FARP2: variants seen among roughly 807,000 people sequenced by gnomAD.
FARP2 encodes FERM, ARH/RhoGEF and pleckstrin domain protein 2, also known as FERM, ARHGEF and pleckstrin domain-containing protein 2.
In FARP2, 111 loss-of-function variants were observed where a neutral mutation model predicts 130.5. The observed-to-expected ratio is 0.85, with a 90% confidence interval of 0.73 to 1.00. The LOEUF (loss-of-function observed/expected upper bound fraction) is 1.00, where lower values mean the gene tolerates loss of function less well. FARP2 is among the 50% of genes least tolerant of loss of function. FARP2 has a pLI of 0.00. For missense variants in FARP2, 1,385 were observed against 1,346.3 expected (o/e 1.03, Z -0.45); for synonymous variants, 504 against 516.9 (o/e 0.98, Z 0.34).
chr2:241,427,957 G>A (rs992592687), intron 8 of FARP2, among the ~76,000 whole-genome samples: 72 of 152,000 alleles, frequency 4.7e-4, no homozygotes, highest in Admixed American at 2.3e-3. Context: ...TAGTAGAGGC[G>A]GGGTTTCACT....
rs982338095 is a variant in FARP2 at position 241,475,409 on chromosome 2, C to T, written c.2132-448C>T. Reference sequence around the variant, plus strand: ...ATAGCCTGTTAGGAACCAGGCCACACGGCAGGAGGTGAGTGGCGGGCAAGT... The same window carrying T: ...ATAGCCTGTTAGGAACCAGGCCACATGGCAGGAGGTGAGTGGCGGGCAAGT... On this transcript the variant is annotated intron_variant, in intron 18 of 26. Coordinates refer to ENST00000264042, the MANE Select transcript of FARP2 (RefSeq NM_014808.4). This position sits in a 1 kb window ranked among gnomAD's most constrained non-coding sequence, Gnocchi z 4.4. Among the ~76,000 whole-genome samples the T allele has an allele frequency of 2.4e-4, 37 of 152,280 alleles. No homozygotes were observed. Among genetic ancestry groups the T allele is most frequent in the Non-Finnish European group, 5.1e-4 (35 of 68,014 alleles).
Position 241,364,384 on chromosome 2 carries a change from C to A in FARP2, c.-25+7996C>A, listed in dbSNP as rs1038281416. Among the ~76,000 whole-genome samples, 19 of 152,318 alleles carry A rather than the reference C, an allele frequency of 1.2e-4. No individual in the cohort carries two copies. In the South Asian group the frequency reaches 3.9e-3, roughly 32 times the overall value. The stretch of plus-strand genomic sequence containing the variant: ...AGGAAATCCACATAAGACCCCAGGT[C>A]AGCTGACACCTTGACTTAGACCTTT... On this transcript the variant is annotated intron_variant, in intron 1 of 26. Transcript: ENST00000264042.
chr2:241,371,595 G>A (rs1418276229), intron 1 of FARP2, among the ~76,000 whole-genome samples: 1 of 152,180 alleles, frequency 6.6e-6, no homozygotes, highest in Non-Finnish European at 1.5e-5. Context: ...AGGGGACTGG[G>A]CTAGAAATTG....
At chr2:241,389,464 G>A (rs1404652462) in intron 2 of FARP2, among the ~76,000 whole-genome samples, 1 of 152,204 alleles carries the variant, frequency 6.6e-6, no homozygotes, top group Non-Finnish European at 1.5e-5. Context: ...CTTGACTGCA[G>A]ACTTCCAGCC....
At chr2:241,487,996 C>G (rs1449440695) in intron 21 of FARP2, among the ~76,000 whole-genome samples, 1 of 151,962 alleles carries the variant, frequency 6.6e-6, no homozygotes, top group Non-Finnish European at 1.5e-5. Context: ...GATCCACCCG[C>G]CTCGGCCTCC....
chr2:241,363,429 C>T (rs938713593), intron 1 of FARP2, among the ~76,000 whole-genome samples: 1 of 152,122 alleles, frequency 6.6e-6, no homozygotes, highest in Non-Finnish European at 1.5e-5. Flanking sequence ...TAATTAAAGC[C>T]GTAGGTTTCT....
intron 2 of FARP2, among the ~76,000 whole-genome samples, chr2:241,378,617 A>C (rs1388659283): frequency 6.6e-6 from 1 of 151,120 alleles, no homozygotes; most frequent in Non-Finnish European, 1.5e-5. Context: ...TCCCCACATT[A>C]CCCATTTGTC....
intron 13 of FARP2, 49 bp from the exon 14 acceptor site, chr2:241,456,696 TCA>T (rs773831660): frequency 5.0e-6 from 8 of 1,597,734 alleles, no homozygotes; most frequent in Non-Finnish European, 6.9e-6. Flanking sequence ...TAAGCCAGCC[TCA>T]CAGCCCTTTC....
rs374999833 is a variant in FARP2 at position 241,491,677 on chromosome 2, G to A, written c.2785G>A (p.Glu929Lys). Residue 929 changes from glutamate to lysine, a missense_variant and splice_region_variant, in exon 24 of 27, where the codon GAG (glutamate) becomes AAG (lysine). Physicochemically the swap from Glu to Lys is moderately conservative, Grantham distance 56. Transcript: ENST00000264042. ...CAGGGCAGACCACAGTGCAGCTGTC[G>A]AGGTACGACCGCATGAGCACCACCT... The part of the protein sequence containing the change: ...VSRADHSAAV[E>K]NQLSGYLLRK... 2.9e-5 allele frequency: 47 copies of A among 1,595,580 alleles called. No individual in the cohort carries two copies. The African/African-American group carries it at 4.1e-4, about 14-fold the overall frequency.
At chr2:241,456,995 T>A in intron 14 of FARP2, 73 bp downstream of exon 14, 1 of 1,372,118 alleles carries the variant, frequency 7.3e-7, no homozygotes, top group Non-Finnish European at 9.8e-7. Flanking sequence ...CTTCGGGTGG[T>A]GCTGGTGGGG....
At chr2:241,381,810 T>G (rs934411203) in intron 2 of FARP2, among the ~76,000 whole-genome samples, 1 of 152,232 alleles carries the variant, frequency 6.6e-6, no homozygotes, top group African/African-American at 2.4e-5. Context: ...GTGTTCACAG[T>G]GGTTTAACAC....
At chr2:241,466,620 C>G in intron 17 of FARP2, 4 of 985,176 alleles carry the variant, frequency 4.1e-6, no homozygotes, top group Non-Finnish European at 4.8e-6. Flanking sequence ...TTCCTGCATC[C>G]CCACCTGGCC....
At position 241,485,969 on chromosome 2, in the gene FARP2, G is replaced by A. The variant is rs558853194; in HGVS notation, c.2421+1638G>A. On this transcript the variant is annotated intron_variant, in intron 21 of 26. Coordinates refer to ENST00000264042, the MANE Select transcript of FARP2 (RefSeq NM_014808.4). ...GCACTGCCTCCTCCTGACAATGAGC[G>A]CCAAAACCCTCAGGCAGGTGTTTGT... Among the ~76,000 whole-genome samples, 338 of 152,310 alleles carry A rather than the reference G, an allele frequency of 2.2e-3. 3 individuals carry two copies. Among genetic ancestry groups the A allele is most frequent in the African/African-American group, 7.5e-3 (313 of 41,558 alleles).
At position 241,474,421 on chromosome 2, in the gene FARP2, G is replaced by C. The variant is rs140834130; in HGVS notation, c.2132-1436G>C. ...CAGGGCTAGAGCTGAGCACTGGGCA[G>C]TGCTGGGTGAGGGGTGTGGACCTTG... On this transcript the variant is annotated intron_variant, in intron 18 of 26. Coordinates refer to ENST00000264042, the MANE Select transcript of FARP2 (RefSeq NM_014808.4). 1.6e-3 allele frequency among the ~76,000 whole-genome samples: 235 copies of C among 151,014 alleles called. 3 individuals are homozygous for C. The highest frequency in any genetic ancestry group is 5.5e-3 in the African/African-American group (227 of 41,140).
Position 241,484,375 on chromosome 2 carries a change from G to A in FARP2, c.2421+44G>A, listed in dbSNP as rs767334045. On this transcript the variant is annotated intron_variant, in intron 21 of 26. Transcript: ENST00000264042. ...TGCCTGGGATTTCCACGTGGTGCTG[G>A]GCTGGGCCCCACCTACCTCTCTCCT... 32 of 1,526,906 alleles carry A rather than the reference G, an allele frequency of 2.1e-5. No homozygotes were observed. In the South Asian group the frequency reaches 3.0e-4, roughly 14 times the overall value. The allele number at this position is 1,526,906 out of a possible 1,614,324, so 94.6% of individuals were successfully genotyped here. A position where few individuals can be genotyped will look rare whatever the true frequency, so the allele number is the denominator to read the frequency against.
chr2:241,406,240 G>A (rs986177840), intron 4 of FARP2, among the ~76,000 whole-genome samples: 2 of 151,700 alleles, frequency 1.3e-5, no homozygotes, highest in Admixed American at 6.6e-5. Context: ...CCTGGAAGGC[G>A]GAGCTTGCAG....
At chr2:241,484,033 A>T in intron 20 of FARP2, 1 of 1,363,152 alleles carries the variant, frequency 7.3e-7, no homozygotes, top group Non-Finnish European at 9.5e-7. Context: ...CTGGGAGCTG[A>T]CCCAGCAGAT....
intron 21 of FARP2, among the ~76,000 whole-genome samples, chr2:241,485,618 G>T (rs1689153571): frequency 7.2e-6 from 1 of 139,086 alleles, no homozygotes; most frequent in Admixed American, 7.2e-5. Context: ...TCTCTCCCTG[G>T]GATATTCCCT....
At chr2:241,472,090 GGTTCT>G in intron 18 of FARP2, among the ~76,000 whole-genome samples, 1 of 151,866 alleles carries the variant, frequency 6.6e-6, no homozygotes, top group East Asian at 1.9e-4. Flanking sequence ...GTTCTGGGGG[GGTTCT>G]GTTCTGTGGA....
Sources: gnomAD v4.1 joint callset for allele counts (sites outside exome capture counted in the v4.1 genomes callset) on GRCh38, gnomAD v4.1.1 for gene constraint, Gnocchi (gnomAD v3.1) non-coding constraint, MANE v1.5 for transcripts, NCBI Gene and HGNC (gene_info 2026-07-23, HGNC 2026-07-21) for gene names.